Variants in UPP2 observed in about 807,000 individuals in gnomAD.
UPP2 encodes the protein UPase 2.
UPP2 carries 23 observed loss-of-function variants against 26.7 expected under a neutral mutation model. The observed-to-expected ratio is 0.86, with a 90% CI of 0.62 to 1.22. UPP2 has a LOEUF of 1.22. Ranked by LOEUF, UPP2 falls within the 50% of genes most tolerant of loss-of-function variation. UPP2 has a pLI of 0.00. For synonymous variants in UPP2, 127 were observed against 141.3 expected (o/e 0.90, Z 0.72); for missense variants, 387 against 396.7 (o/e 0.98, Z 0.21).
chr2:158,068,637 G>C (rs990213109), intron 3 of UPP2, among the ~76,000 whole-genome samples: 1 of 150,900 alleles, frequency 6.6e-6, no homozygotes, highest in Non-Finnish European at 1.5e-5. Context: ...AGGACCACAC[G>C]CTCAGATGCT....
chr2:158,082,151 T>C (rs144520267), intron 3 of UPP2, among the ~76,000 whole-genome samples: 1,581 of 152,230 alleles, frequency 0.01, 35 homozygotes, highest in African/African-American at 0.035. Context: ...GGTTTCACCA[T>C]GTTGGCCAGG....
chr2:158,030,500 G>A (rs1281484623), intron 3 of UPP2, among the ~76,000 whole-genome samples: 1 of 152,142 alleles, frequency 6.6e-6, no homozygotes, highest in African/African-American at 2.4e-5. Context: ...GTAAGTTTGT[G>A]GCAACAGACT....
intron 3 of UPP2, among the ~76,000 whole-genome samples, chr2:158,047,728 A>G (rs1413355835): frequency 6.6e-6 from 1 of 152,252 alleles, no homozygotes; most frequent in Admixed American, 6.5e-5. Flanking sequence ...TGCAGATAGA[A>G]GGCAGCATAT....
chr2:158,110,366 G>A (rs1302031582), intron 2 of UPP2, among the ~76,000 whole-genome samples: 2 of 152,136 alleles, frequency 1.3e-5, no homozygotes, highest in East Asian at 3.9e-4. Flanking sequence ...AGTATTCCAT[G>A]GTGTATTTGC....
At position 157,999,256 on chromosome 2, in the gene UPP2, G is replaced by T. The variant is rs144305649; in HGVS notation, c.61+3997G>T. On this transcript the variant is annotated intron_variant, in intron 2 of 9. Transcript: ENST00000605860. Reference sequence around the variant, plus strand: ...TGCAATGGTGTGATCTTAGCTCACCGCAACCTCCACATCCTGGGCTCAAGC... The same window carrying T: ...TGCAATGGTGTGATCTTAGCTCACCTCAACCTCCACATCCTGGGCTCAAGC... Among the ~76,000 whole-genome samples the T allele has an allele frequency of 3.1e-3, 479 of 152,184 alleles. 1 individual carries two copies. Among genetic ancestry groups the T allele is most frequent in the African/African-American group, 0.01 (429 of 41,542 alleles).
chr2:158,067,090 A>G (rs1682448291), intron 3 of UPP2, among the ~76,000 whole-genome samples: 1 of 152,114 alleles, frequency 6.6e-6, no homozygotes, highest in South Asian at 2.1e-4. Context: ...ATTCTTGCAA[A>G]AAAAAGAAGC....
intron 4 of UPP2, among the ~76,000 whole-genome samples, chr2:158,118,885 T>C (rs1283852281): frequency 6.6e-6 from 1 of 151,992 alleles, no homozygotes; most frequent in East Asian, 1.9e-4. Context: ...ATCAGACATG[T>C]TGGAAAAGAT....
chr2:158,102,203 G>A, intron 1 of UPP2, 78 bp downstream of exon 1: 1 of 1,508,820 alleles, frequency 6.6e-7, no homozygotes, highest in South Asian at 1.3e-5. Context: ...ATTAGATAAT[G>A]GGCCTCTACA....
chr2:158,049,270 G>T (rs1682106403), intron 3 of UPP2, among the ~76,000 whole-genome samples: 1 of 152,170 alleles, frequency 6.6e-6, no homozygotes, highest in Non-Finnish European at 1.5e-5. Flanking sequence ...ATCATGGTGG[G>T]CTCTGTGACA....
chr2:158,016,753 T>C (rs375500874), intron 3 of UPP2, among the ~76,000 whole-genome samples: 2 of 152,098 alleles, frequency 1.3e-5, no homozygotes, highest in East Asian at 3.9e-4. Context: ...CCTGGAGAGA[T>C]ACGGAGGATT....
At chr2:158,126,360 G>A (rs1258292573) in intron 6 of UPP2, 3 of 152,288 alleles carry the variant, frequency 2.0e-5, no homozygotes, top group Non-Finnish European at 4.4e-5. Context: ...GCCTTTCATG[G>A]AGTAGACCCC....
intron 3 of UPP2, among the ~76,000 whole-genome samples, chr2:158,024,607 G>A (rs1183914966): frequency 6.6e-6 from 1 of 152,096 alleles, no homozygotes; most frequent in African/African-American, 2.4e-5. Context: ...AATTTTAAAA[G>A]GATGCAAGAA....
At chr2:158,041,330 G>T (rs1048796270) in intron 3 of UPP2, among the ~76,000 whole-genome samples, 1 of 152,122 alleles carries the variant, frequency 6.6e-6, no homozygotes, top group Non-Finnish European at 1.5e-5. Context: ...ATCAGGAAAT[G>T]AATTAAATGT....
chr2:158,092,676 A>G (rs1338704273), intron 3 of UPP2, among the ~76,000 whole-genome samples: 1 of 152,212 alleles, frequency 6.6e-6, no homozygotes, highest in African/African-American at 2.4e-5. Flanking sequence ...ACTATCAACA[A>G]AGTGGTAACC....
intron 3 of UPP2, among the ~76,000 whole-genome samples, chr2:158,053,032 A>G (rs1019192006): frequency 6.6e-6 from 1 of 152,144 alleles, no homozygotes; most frequent in African/African-American, 2.4e-5. Flanking sequence ...CATTACAGGG[A>G]AAGGATGGGA....
intron 3 of UPP2, among the ~76,000 whole-genome samples, chr2:158,093,926 T>TAAA (rs1364033158): frequency 6.6e-6 from 1 of 150,994 alleles, no homozygotes; most frequent in African/African-American, 2.4e-5. Context: ...GGAAGCAACA[T>TAAA]AAAAAAGCCA....
intron 3 of UPP2, among the ~76,000 whole-genome samples, chr2:158,063,636 T>C (rs773528872): frequency 3.3e-5 from 5 of 152,024 alleles, no homozygotes; most frequent in Non-Finnish European, 5.9e-5. Flanking sequence ...CTGGGGTACA[T>C]GTGCAGAATG....
In UPP2 at chr2:158,115,362, A is replaced by G. The variant is rs1359025268; in HGVS notation, c.339+103A>G. 3.6e-6 allele frequency: 5 copies of G among 1,370,226 alleles called. No homozygotes were observed. In the African/African-American group the frequency reaches 7.3e-5, roughly 20 times the overall value. The allele number at this position is 1,370,226 out of a possible 1,614,324, so 84.9% of individuals were successfully genotyped here. A position where few individuals can be genotyped will look rare whatever the true frequency, so the allele number is the denominator to read the frequency against. ...TTTTTCCCTCCAGCTTCGCATTCTT[A>G]CACAATCAAACAAGGTGTCCAGGTA... On this transcript the variant is annotated intron_variant, in intron 3 of 6. Coordinates refer to ENST00000005756, the MANE Select transcript of UPP2 (RefSeq NM_173355.4).
chr2:158,011,307 C>T (rs1683573079), intron 2 of UPP2, among the ~76,000 whole-genome samples: 1 of 152,208 alleles, frequency 6.6e-6, no homozygotes, highest in South Asian at 2.1e-4. Flanking sequence ...AGACCTGACA[C>T]AGGGTTCTGA....
Sources: gnomAD v4.1 joint callset for allele counts (sites outside exome capture counted in the v4.1 genomes callset) on GRCh38, gnomAD v4.1.1 for gene constraint, MANE v1.5 for transcripts, NCBI Gene and HGNC (gene_info 2026-07-23, HGNC 2026-07-21) for gene names.